The following DCTD variants were observed in gnomAD, a reference collection of about 807,000 sequenced individuals.
DCTD encodes deoxycytidylate deaminase.
A neutral mutation model predicts 21.0 loss-of-function variants in DCTD; 23 were observed. The observed-to-expected ratio is 1.09, with a 90% CI of 0.79 to 1.55. The LOEUF (loss-of-function observed/expected upper bound fraction) is 1.55. Ranked by LOEUF, DCTD falls within the 40% of genes most tolerant of loss-of-function variation. The pLI, the probability that DCTD is intolerant of heterozygous loss-of-function variation, is 0.00. For missense variants in DCTD, 224 were observed against 230.0 expected, an observed-to-expected ratio of 0.97 and a Z score of 0.17; for synonymous variants, 71 against 81.1, an observed-to-expected ratio of 0.88 and a Z score of 0.67.
At chr4:182,893,845 G>A (rs2152854639) in intron 4 of DCTD, among the ~76,000 whole-genome samples, 1 of 152,370 alleles carries the variant, frequency 6.6e-6, no homozygotes, top group South Asian at 2.1e-4. Context: ...CACAGGACTG[G>A]TGATAAACGG....
At chr4:182,899,405 C>CTTT (rs60007612) in intron 3 of DCTD, among the ~76,000 whole-genome samples, 5 of 139,158 alleles carry the variant, frequency 3.6e-5, no homozygotes, top group Non-Finnish European at 7.6e-5. Context: ...TTTTCTTTTT[C>CTTT]TTTTTTTTTT....
At chr4:182,905,449 C>T (rs13123593) in intron 3 of DCTD, among the ~76,000 whole-genome samples, 1 of 151,648 alleles carries the variant, frequency 6.6e-6, no homozygotes, top group Non-Finnish European at 1.5e-5. Flanking sequence ...CTGCCTCAGC[C>T]TCCCAAGTAG....
chr4:182,903,158 ACT>A (rs1434945734), intron 3 of DCTD, among the ~76,000 whole-genome samples: 1 of 152,024 alleles, frequency 6.6e-6, no homozygotes, highest in Non-Finnish European at 1.5e-5. Flanking sequence ...ACTCCAAAGA[ACT>A]CTGCAAATGG....
intron 1 of DCTD, among the ~76,000 whole-genome samples, chr4:182,916,085 C>T (rs72553961): frequency 0.05 from 7,667 of 152,176 alleles, 174 homozygotes; most frequent in Non-Finnish European, 0.057. Flanking sequence ...ACAGGATTAT[C>T]ATCCATGCCA....
chr4:182,899,988 T>C (rs1357958920), intron 3 of DCTD, among the ~76,000 whole-genome samples: 4 of 147,628 alleles, frequency 2.7e-5, no homozygotes, highest in East Asian at 2.0e-4. Flanking sequence ...TCCATGAGCA[T>C]TTCCTTCAAG....
At chr4:182,913,004 G>A (rs1737989853) in intron 3 of DCTD, among the ~76,000 whole-genome samples, 2 of 152,196 alleles carry the variant, frequency 1.3e-5, no homozygotes, top group South Asian at 4.1e-4. Context: ...CATACTGACT[G>A]TGGCCGTCAC....
chr4:182,900,628 T>G (rs1279455155), intron 3 of DCTD, among the ~76,000 whole-genome samples: 1 of 152,122 alleles, frequency 6.6e-6, no homozygotes, highest in Non-Finnish European at 1.5e-5. Context: ...GATAAAATGT[T>G]CAACCTAGAA....
chr4:182,900,153 G>A (rs1735470757), intron 3 of DCTD, among the ~76,000 whole-genome samples: 2 of 152,020 alleles, frequency 1.3e-5, no homozygotes, highest in South Asian at 4.2e-4. Context: ...CATCTCTACT[G>A]AAAATAAAAA....
intron 3 of DCTD, among the ~76,000 whole-genome samples, chr4:182,901,569 G>A (rs754168269): frequency 2.6e-5 from 4 of 152,212 alleles, no homozygotes; most frequent in Non-Finnish European, 5.9e-5. Flanking sequence ...GCCTTCTGCC[G>A]CCACCCCAGG....
chr4:182,902,608 C>T (rs1439472070), intron 3 of DCTD, among the ~76,000 whole-genome samples: 1 of 152,226 alleles, frequency 6.6e-6, no homozygotes, highest in Admixed American at 6.5e-5. Context: ...AGGGGAGCAG[C>T]CCTTAGTAAC....
At position 182,890,338 on chromosome 4, in the gene DCTD, C is replaced by G. The variant is rs193295916; in HGVS notation, c.*1061G>C. On this transcript the variant is annotated 3_prime_UTR_variant, in exon 6 of 6. Coordinates refer to ENST00000438320, the MANE Select transcript of DCTD (RefSeq NM_001921.3). ...GGGCACAGCCACACGCTCCCCGCCC[C>G]GCGGTGATTAGGAAGGTGATGCTTG... The G allele has an allele frequency of 6.6e-6, 1 of 152,224 alleles. No individual in the cohort carries two copies. The highest frequency in any genetic ancestry group is 2.4e-5 in the African/African-American group (1 of 41,448). 9.4% of individuals were successfully genotyped at this position (152,224 alleles called of 1,614,324 possible). A position where few individuals can be genotyped will look rare whatever the true frequency, so the allele number is the denominator to read the frequency against.
At chr4:182,916,305 T>C (rs1738718118) in intron 1 of DCTD, 2 of 868,894 alleles carry the variant, frequency 2.3e-6, no homozygotes, top group South Asian at 5.3e-5. Context: ...GCAGAGACTG[T>C]CTACGGCAGG....
intron 3 of DCTD, among the ~76,000 whole-genome samples, chr4:182,907,494 T>G (rs544964656): frequency 6.6e-6 from 1 of 152,190 alleles, no homozygotes; most frequent in South Asian, 2.1e-4. Flanking sequence ...TCTTTTAATC[T>G]GCATGTCTGT....
At chr4:182,896,847 A>G (rs1261942731) in intron 3 of DCTD, among the ~76,000 whole-genome samples, 2 of 152,224 alleles carry the variant, frequency 1.3e-5, no homozygotes, top group Non-Finnish European at 2.9e-5. Flanking sequence ...AATGGGTGTT[A>G]AATATTTATC....
rs1738886939 is a variant in DCTD, at chr4:182,917,171, C to T, written c.-8+140G>A. Reference sequence around the variant, plus strand: ...CATTCTCCGATCTAAAGGCTGAGCGCGGCCGAGGCGCCCCCAGCGTCCGCG... The same window carrying T: ...CATTCTCCGATCTAAAGGCTGAGCGTGGCCGAGGCGCCCCCAGCGTCCGCG... On this transcript the variant is annotated intron_variant, in intron 1 of 5. Transcript: ENST00000438320. This position sits in a 1 kb window ranked among gnomAD's most constrained non-coding sequence, Gnocchi z 4.9. The T allele has an allele frequency of 3.0e-6, 3 of 989,522 alleles. No homozygotes were observed. Among genetic ancestry groups the T allele is most frequent in the Non-Finnish European group, 3.6e-6 (3 of 833,154 alleles). The allele number at this position is 989,522 out of a possible 1,614,324, so 61.3% of individuals were successfully genotyped here. A position where few individuals can be genotyped will look rare whatever the true frequency, so the allele number is the denominator to read the frequency against.
At chr4:182,904,983 G>A (rs531258920) in intron 3 of DCTD, among the ~76,000 whole-genome samples, 9 of 152,246 alleles carry the variant, frequency 5.9e-5, no homozygotes, top group African/African-American at 2.2e-4. Flanking sequence ...GTCTGCTACA[G>A]AAAAGCAAAA....
intron 3 of DCTD, among the ~76,000 whole-genome samples, chr4:182,902,712 T>C (rs1579714951): frequency 6.9e-6 from 1 of 145,416 alleles, no homozygotes; most frequent in African/African-American, 2.6e-5. Flanking sequence ...CTGCACTGGG[T>C]GGAGAGCTAA....
chr4:182,910,948 G>A (rs1425834587), intron 3 of DCTD, among the ~76,000 whole-genome samples: 2 of 152,092 alleles, frequency 1.3e-5, no homozygotes, highest in Non-Finnish European at 2.9e-5. Flanking sequence ...TCCGACTTAC[G>A]GAATTAATAA....
rs562743676 is a variant in DCTD, at chr4:182,913,928, A to G, written c.244+995T>C. ...CCCTAATTTCAAGGGGAAAATCCAG[A>G]GACAGTCAAGCCAAAGGTTTACAGT... On this transcript the variant is annotated intron_variant, in intron 3 of 5. Coordinates refer to ENST00000438320, the MANE Select transcript of DCTD (RefSeq NM_001921.3). Among the ~76,000 whole-genome samples the G allele has an allele frequency of 3.0e-4, 46 of 152,152 alleles. 1 individual carries two copies. The South Asian group carries it at 8.7e-3, about 29-fold the overall frequency.
Sources: gnomAD v4.1 joint callset for allele counts (sites outside exome capture counted in the v4.1 genomes callset) on GRCh38, gnomAD v4.1.1 for gene constraint, Gnocchi (gnomAD v3.1) non-coding constraint, MANE v1.5 for transcripts, NCBI Gene and HGNC (gene_info 2026-07-23, HGNC 2026-07-21) for gene names.